The following TSPAN14 variants were observed in gnomAD, a reference collection of about 807,000 sequenced individuals.
TSPAN14 encodes the protein tetraspanin 14, also known as tetraspanin-14.
In TSPAN14, 16 loss-of-function variants were observed where a neutral mutation model predicts 36.6. The observed-to-expected ratio is 0.44, with a 90% CI of 0.30 to 0.66. The LOEUF (loss-of-function observed/expected upper bound fraction) is 0.66. TSPAN14 is among the 30% of genes least tolerant of loss of function. The pLI, the probability that TSPAN14 is intolerant of heterozygous loss-of-function variation, is 0.12. For synonymous variants in TSPAN14, 139 were observed against 143.8 expected, an observed-to-expected ratio of 0.97 and a Z score of 0.24; for missense variants, 231 against 355.1, an observed-to-expected ratio of 0.65 and a Z score of 2.81.
rs760056536 is a variant in TSPAN14 at position 80,513,994 on chromosome 10, A to G, written c.577-25A>G. The G allele has an allele frequency of 3.1e-6, 5 of 1,612,164 alleles. No individual in the cohort carries two copies. The Middle Eastern group carries it at 6.6e-4, about 213-fold the overall frequency. On this transcript the variant is annotated intron_variant, in intron 6 of 8. Transcript: ENST00000429989. ...CCAGCTTCTTGAGACGCCAGAAGCA[A>G]CTAATTTTTCTGCTTTTCTTGCAGC...
chr10:80,464,653 A>G (rs1343922757), intron 1 of TSPAN14, among the ~76,000 whole-genome samples: 2 of 152,198 alleles, frequency 1.3e-5, no homozygotes, highest in Admixed American at 1.3e-4. Flanking sequence ...CATTGCGGTT[A>G]CATGCAGTCC....
At position 80,506,057 on chromosome 10, in the gene TSPAN14, C is replaced by T. The variant is rs546795833; in HGVS notation, c.133-1171C>T. On this transcript the variant is annotated intron_variant, in intron 3 of 8. Transcript: ENST00000429989. Reference sequence around the variant, plus strand: ...CTGGATCTTGGCTCACTGCAACCTCCGCCTCCCTGGTTCAAGAGATTCTTG... The same window carrying T: ...CTGGATCTTGGCTCACTGCAACCTCTGCCTCCCTGGTTCAAGAGATTCTTG... Among the ~76,000 whole-genome samples, 8 of 152,346 alleles carry T rather than the reference C, an allele frequency of 5.3e-5. No homozygotes were observed. The East Asian group carries it at 7.7e-4, about 15-fold the overall frequency.
intron 1 of TSPAN14, among the ~76,000 whole-genome samples, chr10:80,462,718 G>C (rs781752326): frequency 1.3e-5 from 2 of 152,208 alleles, no homozygotes; most frequent in Non-Finnish European, 2.9e-5. Context: ...AAGGTACATG[G>C]AGTTTAGTGG....
chr10:80,489,086 C>T, intron 1 of TSPAN14, 131 bp from the exon 2 acceptor site: 2 of 622,412 alleles, frequency 3.2e-6, no homozygotes, highest in Non-Finnish European at 5.7e-6. Context: ...TGGTATCAGG[C>T]CTCTGCTTGG....
At chr10:80,483,137 G>A (rs1847386090) in intron 1 of TSPAN14, among the ~76,000 whole-genome samples, 1 of 152,176 alleles carries the variant, frequency 6.6e-6, no homozygotes, top group Non-Finnish European at 1.5e-5. Context: ...AATATTAAAG[G>A]TGAGTACAAC....
intron 1 of TSPAN14, among the ~76,000 whole-genome samples, chr10:80,469,339 A>G (rs1487197854): frequency 2.0e-5 from 3 of 151,744 alleles, no homozygotes; most frequent in African/African-American, 4.9e-5. Context: ...GTTTTGGTGT[A>G]TGTTGAAGAT....
intron 1 of TSPAN14, among the ~76,000 whole-genome samples, chr10:80,486,993 A>G (rs1870140): frequency 0.89 from 135,568 of 152,196 alleles, 60,707 homozygotes; most frequent in East Asian, 0.98. Flanking sequence ...AGGCCCTGGC[A>G]GGAGGATTGC....
At chr10:80,486,687 A>G (rs559354929) in intron 1 of TSPAN14, among the ~76,000 whole-genome samples, 1 of 152,264 alleles carries the variant, frequency 6.6e-6, no homozygotes, top group East Asian at 1.9e-4. Context: ...TCCTCTGGGA[A>G]CCACGAGGAA....
At chr10:80,464,670 G>A (rs916043086) in intron 1 of TSPAN14, among the ~76,000 whole-genome samples, 1 of 152,222 alleles carries the variant, frequency 6.6e-6, no homozygotes, top group Non-Finnish European at 1.5e-5. Flanking sequence ...GTCCCCGTGA[G>A]AAGGCCAGAG....
At chr10:80,473,102 T>C (rs573756406) in intron 1 of TSPAN14, among the ~76,000 whole-genome samples, 8 of 152,340 alleles carry the variant, frequency 5.3e-5, no homozygotes, top group African/African-American at 1.9e-4. Flanking sequence ...AGAGTTTCTT[T>C]GAACAAAGCC....
chr10:80,485,176 T>A (rs572767482), intron 1 of TSPAN14, among the ~76,000 whole-genome samples: 2 of 151,252 alleles, frequency 1.3e-5, no homozygotes, highest in Non-Finnish European at 2.9e-5. Flanking sequence ...TCTCTACTTT[T>A]AGGAAGGTTC....
rs1257460097 is a variant in TSPAN14 at position 80,480,390 on chromosome 10, G to T, written c.-17-8827G>T. 2.0e-5 allele frequency among the ~76,000 whole-genome samples: 3 copies of T among 152,194 alleles called. No individual in the cohort carries two copies. The East Asian group carries it at 5.8e-4, about 29-fold the overall frequency. On this transcript the variant is annotated intron_variant, in intron 1 of 8. Coordinates refer to ENST00000429989, the Ensembl canonical transcript of TSPAN14. ...AGTGTGGCGATTCCTCAGAGATCTA[G>T]AACTAGAAATACCATTTGACTCAGC...
chr10:80,508,189 A>C (rs2343551), intron 4 of TSPAN14, among the ~76,000 whole-genome samples: 128,453 of 150,510 alleles, frequency 0.85, 55,146 homozygotes, highest in East Asian at 0.98. Context: ...GATCTCGGCT[A>C]ACTGCAAGCT....
At chr10:80,486,999 A>C (rs1169858370) in intron 1 of TSPAN14, among the ~76,000 whole-genome samples, 1 of 152,086 alleles carries the variant, frequency 6.6e-6, no homozygotes, top group African/African-American at 2.4e-5. Flanking sequence ...TGGCAGGAGG[A>C]TTGCTTAAGG....
intron 2 of TSPAN14, among the ~76,000 whole-genome samples, chr10:80,496,413 C>T (rs1309234207): frequency 6.6e-6 from 1 of 152,210 alleles, no homozygotes; most frequent in East Asian, 1.9e-4. Context: ...TCCAGGCTGA[C>T]TTCAAGAGTT....
intron 2 of TSPAN14, among the ~76,000 whole-genome samples, chr10:80,503,799 T>C (rs1840124675): frequency 1.3e-5 from 2 of 152,208 alleles, no homozygotes; most frequent in East Asian, 1.9e-4. Context: ...CCGGTAGTCA[T>C]AGAGAAGCGT....
At chr10:80,466,832 C>G (rs915431334) in intron 1 of TSPAN14, among the ~76,000 whole-genome samples, 6 of 152,170 alleles carry the variant, frequency 3.9e-5, no homozygotes, top group African/African-American at 1.4e-4. Context: ...GCAAAAGTTA[C>G]AGGCAAAGGC....
chr10:80,504,020 C>T (rs759044385), intron 2 of TSPAN14, among the ~76,000 whole-genome samples: 1 of 152,228 alleles, frequency 6.6e-6, no homozygotes, highest in Non-Finnish European at 1.5e-5. Flanking sequence ...TGGGTTCCTG[C>T]AGGTGGGAAG....
At chr10:80,458,186 G>A (rs936018543) in intron 1 of TSPAN14, among the ~76,000 whole-genome samples, 2 of 152,198 alleles carry the variant, frequency 1.3e-5, no homozygotes, top group Admixed American at 6.5e-5. Context: ...CCACTTTTGT[G>A]GGACTCGGGG....
Sources: gnomAD v4.1 joint callset for allele counts (sites outside exome capture counted in the v4.1 genomes callset) on GRCh38, gnomAD v4.1.1 for gene constraint, MANE v1.5 for transcripts, NCBI Gene and HGNC (gene_info 2026-07-23, HGNC 2026-07-21) for gene names.